Variants in PTBP3 observed in about 807,000 individuals in gnomAD.
PTBP3 encodes the protein polypyrimidine tract-binding protein 3.
PTBP3 carries 20 observed loss-of-function variants against 58.7 expected under a neutral mutation model. That is an observed-to-expected ratio of 0.34 (90% CI 0.24 to 0.50). The LOEUF (loss-of-function observed/expected upper bound fraction) is 0.50, where lower values mean the gene tolerates loss of function less well. PTBP3 is among the 20% of genes least tolerant of loss of function. The pLI, the probability that PTBP3 is intolerant of heterozygous loss-of-function variation, is 0.98. For missense variants in PTBP3, 509 were observed against 637.2 expected, an observed-to-expected ratio of 0.80 and a Z score of 2.17; for synonymous variants, 185 against 219.8, an observed-to-expected ratio of 0.84 and a Z score of 1.40.
At chr9:112,295,152 T>C (rs1359503369) in intron 2 of PTBP3, among the ~76,000 whole-genome samples, 1 of 150,326 alleles carries the variant, frequency 6.7e-6, no homozygotes, top group Non-Finnish European at 1.5e-5. Context: ...GGCAGGAGAA[T>C]CTCTTGAACC....
intron 4 of PTBP3, among the ~76,000 whole-genome samples, chr9:112,263,399 T>A (rs528178601): frequency 2.4e-4 from 36 of 152,238 alleles, no homozygotes; most frequent in African/African-American, 7.5e-4. Context: ...ACCACCCTAA[T>A]CAAGTGATCA....
At chr9:112,305,797 G>A (rs10759548) in intron 1 of PTBP3, among the ~76,000 whole-genome samples, 40,428 of 151,926 alleles carry the variant, frequency 0.27, 6,696 homozygotes, top group South Asian at 0.41. Context: ...AAAATGAGCC[G>A]GGCGTGGTGA....
At chr9:112,295,222 C>T (rs1043936938) in intron 2 of PTBP3, among the ~76,000 whole-genome samples, 40 of 142,370 alleles carry the variant, frequency 2.8e-4, no homozygotes, top group Non-Finnish European at 4.2e-4. Context: ...CTGGGCGAGA[C>T]AGAGCAATAC....
chr9:112,372,104 A>T, the PTBP3 span, among the ~76,000 whole-genome samples: 1 of 151,924 alleles, frequency 6.6e-6, no homozygotes, highest in Non-Finnish European at 1.5e-5. Flanking sequence ...ACAAGGTCTT[A>T]TTCTGTCACC....
intron 1 of PTBP3, among the ~76,000 whole-genome samples, chr9:112,307,180 C>T (rs1245496273): frequency 2.0e-5 from 3 of 152,090 alleles, no homozygotes; most frequent in Non-Finnish European, 2.9e-5. Flanking sequence ...TTGCCAGGCG[C>T]GGTGGCTCAC....
chr9:112,321,312 C>T (rs1420541547), intron 1 of PTBP3, among the ~76,000 whole-genome samples: 2 of 151,970 alleles, frequency 1.3e-5, no homozygotes, highest in African/African-American at 4.8e-5. Flanking sequence ...GGGTGGATCA[C>T]GAGGTCAGGA....
intron 4 of PTBP3, among the ~76,000 whole-genome samples, chr9:112,264,957 A>T (rs1172941587): frequency 1.3e-5 from 2 of 152,118 alleles, no homozygotes; most frequent in African/African-American, 2.4e-5. Context: ...AAAATTAAAA[A>T]CTCTACTGAA....
At chr9:112,224,684 T>C (rs1450040011) in intron 12 of PTBP3, among the ~76,000 whole-genome samples, 24 of 152,226 alleles carry the variant, frequency 1.6e-4, no homozygotes, top group Admixed American at 1.6e-3. Context: ...CCTGCTCATA[T>C]TCATGCCCTT....
At chr9:112,379,847 CGCCGACA>C in the PTBP3 span, 1 of 513,210 alleles carries the variant, frequency 1.9e-6, no homozygotes, top group Admixed American at 3.9e-5. Context: ...AGACGCTAGG[CGCCGACA>C]GGAGCCTGAT....
intron 1 of PTBP3, among the ~76,000 whole-genome samples, chr9:112,316,669 G>C (rs946983122): frequency 6.6e-6 from 1 of 152,238 alleles, no homozygotes; most frequent in Non-Finnish European, 1.5e-5. Context: ...GCTGGGCACA[G>C]TGGCTCACGC....
At chr9:112,288,584 G>A (rs1263459564) in intron 2 of PTBP3, among the ~76,000 whole-genome samples, 1 of 152,114 alleles carries the variant, frequency 6.6e-6, no homozygotes, top group Non-Finnish European at 1.5e-5. Context: ...CCTTCTGAGA[G>A]CACAATCCTG....
chr9:112,225,876 T>C (rs992214463), intron 12 of PTBP3, among the ~76,000 whole-genome samples: 3 of 151,936 alleles, frequency 2.0e-5, no homozygotes, highest in African/African-American at 4.8e-5. Flanking sequence ...TAAAACCCTG[T>C]CTCTACAAAA....
intron 4 of PTBP3, 136 bp from the exon 5 acceptor site, chr9:112,262,735 T>A: frequency 1.4e-6 from 1 of 704,188 alleles, no homozygotes; most frequent in Admixed American, 4.3e-5. Flanking sequence ...TGGAGATACA[T>A]ATCCTAAATT....
chr9:112,359,633 GT>G, the PTBP3 span, among the ~76,000 whole-genome samples: 1 of 151,926 alleles, frequency 6.6e-6, no homozygotes, highest in Admixed American at 6.6e-5. Context: ...TTGAAACCCC[GT>G]CTCTACAAAA....
At position 112,223,393 on chromosome 9, in the gene PTBP3, C is replaced by G; in HGVS notation, c.*458G>C. On this transcript the variant is annotated 3_prime_UTR_variant, in exon 14 of 14. Coordinates refer to ENST00000374257, the MANE Select transcript of PTBP3 (RefSeq NM_001163788.4). ...AATATAATTTCCTACAAGGGTCAGA[C>G]TTCTGATTCATAAGGTTAATAACTT... 1.1e-6 allele frequency: 1 copy of G among 945,318 alleles called. No homozygotes were observed. The highest frequency in any genetic ancestry group is 1.3e-6 in the Non-Finnish European group (1 of 792,388). 58.6% of individuals were successfully genotyped at this position (945,318 alleles called of 1,614,324 possible). A position where few individuals can be genotyped will look rare whatever the true frequency, so the allele number is the denominator to read the frequency against.
At chr9:112,236,037 G>GA (rs1835426097) in intron 7 of PTBP3, among the ~76,000 whole-genome samples, 1 of 152,184 alleles carries the variant, frequency 6.6e-6, no homozygotes, top group Admixed American at 6.5e-5. Context: ...TCAAAGGGGG[G>GA]AGTTTGCTTT....
intron 1 of PTBP3, among the ~76,000 whole-genome samples, chr9:112,326,009 C>A (rs1830141376): frequency 1.2e-5 from 1 of 84,338 alleles, no homozygotes; most frequent in Non-Finnish European, 2.2e-5. Context: ...CACAGTGAGA[C>A]CCTGTCTCAA....
chr9:112,326,909 G>C (rs1465723394), intron 1 of PTBP3, among the ~76,000 whole-genome samples: 1 of 152,072 alleles, frequency 6.6e-6, no homozygotes, highest in East Asian at 1.9e-4. Context: ...TCATTTAAAA[G>C]AATTCAAAAT....
chr9:112,290,703 T>TAAACACAC (rs1441556582), intron 2 of PTBP3, among the ~76,000 whole-genome samples: 2 of 64,590 alleles, frequency 3.1e-5, no homozygotes, highest in South Asian at 9.9e-4. Flanking sequence ...TATATATATA[T>TAAACACAC]ATATACACAC....
Sources: gnomAD v4.1 joint callset for allele counts (sites outside exome capture counted in the v4.1 genomes callset) on GRCh38, gnomAD v4.1.1 for gene constraint, MANE v1.5 for transcripts, NCBI Gene and HGNC (gene_info 2026-07-23, HGNC 2026-07-21) for gene names.